Variants in MTCH1 observed in about 807,000 individuals in gnomAD.
The protein encoded by MTCH1 is mitochondrial carrier 1, also known as mitochondrial carrier homolog 1.
Under a neutral mutation model 49.3 loss-of-function variants are expected in MTCH1, and 23 were observed. The ratio of observed to expected loss-of-function variants is 0.47; its 90% CI spans 0.34 to 0.66. MTCH1 has a LOEUF of 0.66. MTCH1 is among the 30% of genes least tolerant of loss of function. MTCH1 has a pLI of 0.01. For synonymous variants in MTCH1, 229 were observed against 215.2 expected (o/e 1.06, Z -0.56); for missense variants, 397 against 532.1 (o/e 0.75, Z 2.50).
At chr6:36,971,814 T>C (rs764957450) in intron 8 of MTCH1, among the ~76,000 whole-genome samples, 10 of 152,092 alleles carry the variant, frequency 6.6e-5, no homozygotes, top group African/African-American at 9.7e-5. Context: ...AATGCCATCC[T>C]TCTTGAAGGT....
chr6:36,981,575 G>A lies in MTCH1; in HGVS notation c.406+13C>T. Reference sequence around the variant, plus strand: ...TGTTGGTGTGGGCTTTCCTGCTTGGGAGGCACACTCACCGTAGGTGAAGAA... The same window carrying A: ...TGTTGGTGTGGGCTTTCCTGCTTGGAAGGCACACTCACCGTAGGTGAAGAA... On this transcript the variant is annotated intron_variant, in intron 2 of 11. Transcript: ENST00000373627. The A allele has an allele frequency of 6.2e-7, 1 of 1,613,330 alleles. No homozygotes were observed. Among genetic ancestry groups the A allele is most frequent in the Non-Finnish European group, 8.5e-7 (1 of 1,179,598 alleles).
chr6:36,969,864 C>T (rs62622382), intron 11 of MTCH1, 175 bp downstream of exon 11: 62,493 of 1,539,422 alleles, frequency 0.041, 1,437 homozygotes, highest in Non-Finnish European at 0.044. Context: ...CAAATCCTTT[C>T]TGAAATTATG....
Position 36,977,964 on chromosome 6 carries a change from A to G in MTCH1, c.591+114T>C. ...GGCTTCTTCCCTTACCATCCCACCC[A>G]TGCATACACAAGGACCCAACTCTTC... is the stretch of plus-strand genomic sequence containing the variant. On this transcript the variant is annotated intron_variant, in intron 4 of 11. Transcript: ENST00000373627. This position sits in a 1 kb window ranked among gnomAD's most constrained non-coding sequence, Gnocchi z 5.4. The G allele has an allele frequency of 4.2e-6, 4 of 962,736 alleles. No homozygotes were observed. The highest frequency in any genetic ancestry group is 6.7e-6 in the Non-Finnish European group (4 of 600,934). 59.6% of individuals were successfully genotyped at this position (962,736 alleles called of 1,614,324 possible).
Position 36,977,083 on chromosome 6 carries a change from C to G in MTCH1, c.701+116G>C, listed in dbSNP as rs1763906045. 8 of 1,074,238 alleles carry G rather than the reference C, an allele frequency of 7.4e-6. No homozygotes were observed. Among genetic ancestry groups the G allele is most frequent in the Non-Finnish European group, 1.1e-5 (8 of 701,834 alleles). The allele number at this position is 1,074,238 out of a possible 1,614,324, so 66.5% of individuals were successfully genotyped here. A position where few individuals can be genotyped will look rare whatever the true frequency, so the allele number is the denominator to read the frequency against. ...CATTCCTCAGAAGCCAGGCAGCAGG[C>G]TGAACTCACACAGCACTAGGGCAGA... On this transcript the variant is annotated intron_variant, in intron 6 of 11. Transcript: ENST00000373627. This position sits in a 1 kb window ranked among gnomAD's most constrained non-coding sequence, Gnocchi z 5.4.
Position 36,972,598 on chromosome 6 carries a change from A to T in MTCH1, c.906+54T>A. ...CCCAGAATCCTTGAGTTTGTCCCAG[A>T]CCCTGGGCATCAGCAGCACACGGAA... is the stretch of plus-strand genomic sequence containing the variant. On this transcript the variant is annotated intron_variant, in intron 8 of 11. Transcript: ENST00000373627. This position sits in a 1 kb window ranked among gnomAD's most constrained non-coding sequence, Gnocchi z 4.1. 1 of 1,520,764 alleles carries T rather than the reference A, an allele frequency of 6.6e-7. No individual in the cohort carries two copies. The highest frequency in any genetic ancestry group is 8.9e-7 in the Non-Finnish European group (1 of 1,125,452). 94.2% of individuals were successfully genotyped at this position (1,520,764 alleles called of 1,614,324 possible).
chr6:36,974,158 CAG>C (rs1272798424), intron 7 of MTCH1, among the ~76,000 whole-genome samples: 3 of 151,962 alleles, frequency 2.0e-5, no homozygotes, highest in African/African-American at 7.3e-5. Flanking sequence ...GAATATAAAT[CAG>C]AGTTTCTCAA....
In MTCH1 at chr6:36,968,833, A is replaced by G. The variant is rs1277161986; in HGVS notation, c.*70T>C. 33 of 1,608,006 alleles carry G rather than the reference A, an allele frequency of 2.1e-5. No homozygotes were observed. The highest frequency in any genetic ancestry group is 2.8e-5 in the Non-Finnish European group (33 of 1,175,588). ...TGTTGTTGGGTTGGAGTCGTCTTGC[A>G]GGTGTCCCAAGGTGGTCAGGCCTCA... On this transcript the variant is annotated 3_prime_UTR_variant, in exon 12 of 12. Transcript: ENST00000373627.
chr6:36,968,938 G>C lies in MTCH1; in HGVS notation c.1135C>G (p.Arg379Gly), dbSNP rs199805585. 3.1e-6 allele frequency: 5 copies of C among 1,614,108 alleles called. No individual in the cohort carries two copies. The highest frequency in any genetic ancestry group is 3.4e-6 in the Non-Finnish European group (4 of 1,179,994). The change falls in exon 12 of 12, where the codon CGG (arginine) becomes GGG (glycine). Residue 379 changes from arginine to glycine, a missense_variant. By Grantham distance (125) the Arg-to-Gly change is moderately radical. Coordinates refer to ENST00000373627, the MANE Select transcript of MTCH1 (RefSeq NM_001271641.2). ...GCAAAGCATGATCCTGATGACACCC[G>C]GCGGAAAAGCAGGCTGGAGCCTCGG... ...LFRGSSLLFR[R>G]VSSGSCFALE
At chr6:36,980,062 G>A (rs1165170644) in intron 2 of MTCH1, among the ~76,000 whole-genome samples, 1 of 152,320 alleles carries the variant, frequency 6.6e-6, no homozygotes, top group Middle Eastern at 3.4e-3. Flanking sequence ...GACAAGTAGA[G>A]GAGCAGACAC....
Position 36,968,577 on chromosome 6 carries a change from CCCATCCAACCTGGGCCCCCATAAG to C in MTCH1, c.*302_*325del, listed in dbSNP as rs1763559684. ...TGGGGTCTGACCCCATTAGCCTTTCCCCATCCAACCTGGGCCCCCATAAGCCATTCTCTGGCCCTCTGCACAAGA... is the reference window on the plus strand; with the variant it reads ...TGGGGTCTGACCCCATTAGCCTTTCCCCATTCTCTGGCCCTCTGCACAAGA... On this transcript the variant is annotated 3_prime_UTR_variant, in exon 12 of 12. Coordinates refer to ENST00000373627, the MANE Select transcript of MTCH1 (RefSeq NM_001271641.2). 4.9e-6 allele frequency: 2 copies of C among 405,958 alleles called. No individual in the cohort carries two copies. The highest frequency in any genetic ancestry group is 1.3e-4 in the East Asian group (2 of 15,636). The allele number at this position is 405,958 out of a possible 1,614,324, so 25.1% of individuals were successfully genotyped here.
intron 7 of MTCH1, among the ~76,000 whole-genome samples, chr6:36,975,289 G>A (rs1763831800): frequency 6.6e-6 from 1 of 152,256 alleles, no homozygotes; most frequent in Non-Finnish European, 1.5e-5. Flanking sequence ...TGAGCTTCCA[G>A]AGCTCCACCC....
rs1193926132 is a variant in MTCH1, at chr6:36,977,611, TC to T, written c.649+22del. 1 of 1,557,042 alleles carries T rather than the reference TC, an allele frequency of 6.4e-7. No homozygotes were observed. The highest frequency in any genetic ancestry group is 8.8e-7 in the Non-Finnish European group (1 of 1,134,546). ...CCCCGACGCCAGCTTAGATACAGTC[TC>T]GGGGGAAGGGGGGTGGCTTACCATG... On this transcript the variant is annotated intron_variant, in intron 5 of 11. Coordinates refer to ENST00000373627, the MANE Select transcript of MTCH1 (RefSeq NM_001271641.2). This position sits in a 1 kb window ranked among gnomAD's most constrained non-coding sequence, Gnocchi z 5.4.
rs1333178433 is a variant in MTCH1 at position 36,977,191 on chromosome 6, T to C, written c.701+8A>G. 1 of 1,613,698 alleles carries C rather than the reference T, an allele frequency of 6.2e-7. No individual in the cohort carries two copies. The highest frequency in any genetic ancestry group is 1.7e-5 in the Admixed American group (1 of 60,012). On this transcript the variant is annotated splice_region_variant and intron_variant, in intron 6 of 11. Transcript: ENST00000373627. This position sits in a 1 kb window ranked among gnomAD's most constrained non-coding sequence, Gnocchi z 5.4. ...AGGGCCACTCTGCCAGTCCCAAGAG[T>C]TACCCACCTGTACTTGGCCTCCCGT...
chr6:36,986,289 G>T, upstream of MTCH1: 1 of 1,003,732 alleles, frequency 1.0e-6, no homozygotes, highest in Non-Finnish European at 1.3e-6. Context: ...CGGGAGCGTG[G>T]TGCGGCGGGT....
rs990012161 is a variant in MTCH1, at chr6:36,986,080, C to G, written c.94G>C (p.Ala32Pro). 2.8e-6 allele frequency: 4 copies of G among 1,432,366 alleles called. No individual in the cohort carries two copies. The African/African-American group carries it at 6.0e-5, about 21-fold the overall frequency. The allele number at this position is 1,432,366 out of a possible 1,614,324, so 88.7% of individuals were successfully genotyped here. ...AGAGAGARGG[A>P]AAGVEARARD... ...GCTCGAGCCTCGACCCCCGCCGCCG[C>G]TCCGCCGCGAGCTCCGGCTCCAGCT... The change falls in exon 1 of 12, where the codon GCG becomes CCG. Residue 32 changes from alanine (A) to proline (P), a missense_variant. Coordinates refer to ENST00000373627, the MANE Select transcript of MTCH1 (RefSeq NM_001271641.2).
chr6:36,969,700 C>T, intron 11 of MTCH1: 1 of 1,219,280 alleles, frequency 8.2e-7, no homozygotes, highest in Non-Finnish European at 1.0e-6. Flanking sequence ...GAATTTTCAG[C>T]CCATGTTACT....
At position 36,982,915 on chromosome 6, in the gene MTCH1, C is replaced by A. The variant is rs779981293; in HGVS notation, c.322-1243G>T. Among the ~76,000 whole-genome samples the A allele has an allele frequency of 6.6e-6, 1 of 152,192 alleles. No individual in the cohort carries two copies. The highest frequency in any genetic ancestry group is 1.5e-5 in the Non-Finnish European group (1 of 68,034). On this transcript the variant is annotated intron_variant, in intron 1 of 11. Transcript: ENST00000373627. This position sits in a 1 kb window ranked among gnomAD's most constrained non-coding sequence, Gnocchi z 4.1. ...GGCCAGCTGGGCCCATGGACCAGAG[C>A]GATTCCTCTGACATGTGGGAGAGGA... is the stretch of plus-strand genomic sequence containing the variant.
Position 36,977,683 on chromosome 6 carries a change from G to A in MTCH1, c.600C>T (p.Tyr200=), listed in dbSNP as rs758601862. 7 of 1,609,410 alleles carry A rather than the reference G, an allele frequency of 4.3e-6. No individual in the cohort carries two copies. The highest frequency in any genetic ancestry group is 1.1e-5 in the South Asian group (1 of 90,042). The change falls in exon 5 of 12, where the codon TAC becomes TAT. Residue 200 remains tyrosine, a synonymous_variant. Coordinates refer to ENST00000373627, the MANE Select transcript of MTCH1 (RefSeq NM_001271641.2). This position sits in a 1 kb window ranked among gnomAD's most constrained non-coding sequence, Gnocchi z 5.4. ...SLKKVVKETS[Y]EMMMQCVSRM... is the part of the protein sequence containing the mutation. ...GGGACACACACTGCATCATCATCTC[G>A]TAGGAGGTCTGGAAGAGAGCATGGG...
chr6:36,981,750 GC>G, intron 1 of MTCH1, 78 bp from the exon 2 acceptor site: 1 of 1,240,132 alleles, frequency 8.1e-7, no homozygotes, highest in Non-Finnish European at 1.1e-6. Context: ...CACACCTCTT[GC>G]CCCCTTTGCT....
Sources: allele counts gnomAD v4.1 joint callset (sites outside exome capture counted in the v4.1 genomes callset), GRCh38; gene constraint gnomAD v4.1.1; non-coding constraint Gnocchi (gnomAD v3.1); transcripts MANE v1.5; gene names NCBI Gene and HGNC (gene_info 2026-07-23, HGNC 2026-07-21).